Variants in WDPCP observed in about 807,000 individuals in gnomAD.
WDPCP encodes WD repeat-containing and planar cell polarity effector protein fritz homolog.
In WDPCP, 71 loss-of-function variants were observed where a neutral mutation model predicts 93.1. The ratio of observed to expected loss-of-function variants is 0.76; its 90% CI spans 0.63 to 0.93. The LOEUF is 0.93. WDPCP is among the 40% of genes least tolerant of loss of function. The probability of loss-of-function intolerance (pLI) is 0.00; values close to 1 mark genes in which losing one functional copy is unlikely to be tolerated. For missense variants in WDPCP, 844 were observed against 887.4 expected (o/e 0.95, Z 0.62); for synonymous variants, 315 against 315.0 (o/e 1.00, Z 0.00).
At chr2:63,216,939 T>C (rs2104454391) in intron 14 of WDPCP, among the ~76,000 whole-genome samples, 1 of 152,310 alleles carries the variant, frequency 6.6e-6, no homozygotes, top group Middle Eastern at 3.4e-3. Flanking sequence ...ATGGCATTAC[T>C]TCCAATAATT....
At chr2:63,835,703 G>GT in the WDPCP span, among the ~76,000 whole-genome samples, 4 of 151,920 alleles carry the variant, frequency 2.6e-5, no homozygotes, top group Admixed American at 1.3e-4. Flanking sequence ...TTTTCCTGTA[G>GT]TTTTTTCTCT....
intron 12 of WDPCP, among the ~76,000 whole-genome samples, chr2:63,376,002 T>C (rs1351917705): frequency 6.6e-6 from 1 of 151,938 alleles, no homozygotes; most frequent in African/African-American, 2.4e-5. Flanking sequence ...TATTAAAATA[T>C]TGACTAGCCA....
At chr2:63,605,705 G>C in intron 3 of WDPCP, 1 of 593,464 alleles carries the variant, frequency 1.7e-6, no homozygotes, top group African/African-American at 1.9e-5. Context: ...TTCCTCATCT[G>C]TAAAATGAGG....
intron 10 of WDPCP, among the ~76,000 whole-genome samples, chr2:63,382,707 TA>T (rs1391240049): frequency 6.6e-6 from 1 of 152,132 alleles, no homozygotes; most frequent in Non-Finnish European, 1.5e-5. Flanking sequence ...TTCAGGATTT[TA>T]AAAAATGTAT....
chr2:63,287,136 C>A (rs1684064706), intron 13 of WDPCP, among the ~76,000 whole-genome samples: 1 of 152,098 alleles, frequency 6.6e-6, no homozygotes, highest in South Asian at 2.1e-4. Flanking sequence ...GTAAGGACAC[C>A]AGTCATATTG....
intron 14 of WDPCP, among the ~76,000 whole-genome samples, chr2:63,231,237 A>C (rs995588700): frequency 6.6e-6 from 1 of 152,218 alleles, no homozygotes; most frequent in African/African-American, 2.4e-5. Flanking sequence ...CGAATGGGCA[A>C]ACACTGGAGG....
At position 63,398,086 on chromosome 2, in the gene WDPCP, T is replaced by C. The variant is rs565738633; in HGVS notation, c.1435+5962A>G. ...AGTCTTGGACAAGAGGAAGGGATTC[T>C]TTTTCACTGAACTGAGAGGGAAAGA... On this transcript the variant is annotated intron_variant, in intron 10 of 17. Coordinates refer to ENST00000272321, the MANE Select transcript of WDPCP (RefSeq NM_015910.7). 7.9e-5 allele frequency among the ~76,000 whole-genome samples: 12 copies of C among 152,240 alleles called. No homozygotes were observed. In the South Asian group the frequency reaches 2.3e-3, roughly 29 times the overall value.
At chr2:63,223,379 G>C (rs1442361761) in intron 14 of WDPCP, among the ~76,000 whole-genome samples, 1 of 152,100 alleles carries the variant, frequency 6.6e-6, no homozygotes, top group Non-Finnish European at 1.5e-5. Flanking sequence ...TCCCGAGATA[G>C]CATATTGTTT....
chr2:63,377,795 A>G (rs1252154875), intron 12 of WDPCP: 1 of 7,602 alleles, frequency 1.3e-4, no homozygotes, highest in African/African-American at 6.9e-3. Context: ...AACTTCATGT[A>G]TATATATATA....
chr2:63,717,190 G>A (rs955169717), intron 2 of WDPCP: 4 of 462,298 alleles, frequency 8.7e-6, no homozygotes, highest in Admixed American at 5.0e-5. Context: ...TATTCTTGCT[G>A]TCCAGCATGC....
chr2:63,238,405 A>G lies in WDPCP; in HGVS notation c.1915+20902T>C, dbSNP rs892870649. On this transcript the variant is annotated intron_variant, in intron 14 of 17. Transcript: ENST00000272321. The stretch of plus-strand genomic sequence containing the variant: ...CATTTTAAAATTTTATTTAATTTCA[A>G]TTAAATTAAAAAATTGATATTCTAT... Among the ~76,000 whole-genome samples, 3 of 152,302 alleles carry G rather than the reference A, an allele frequency of 2.0e-5. No individual in the cohort carries two copies. The East Asian group carries it at 5.8e-4, about 29-fold the overall frequency.
intron 11 of WDPCP, among the ~76,000 whole-genome samples, chr2:63,379,892 T>C (rs533563155): frequency 6.6e-6 from 1 of 152,294 alleles, no homozygotes; most frequent in African/African-American, 2.4e-5. Context: ...CTACTTAAAA[T>C]GTACATATTC....
chr2:63,572,078 G>T (rs746190970), intron 1 of WDPCP, among the ~76,000 whole-genome samples: 1 of 152,116 alleles, frequency 6.6e-6, no homozygotes, highest in Non-Finnish European at 1.5e-5. Flanking sequence ...AGATAATCAG[G>T]CTCCAGAGGA....
chr2:63,317,940 C>A (rs1013024349), intron 12 of WDPCP, among the ~76,000 whole-genome samples: 6 of 152,022 alleles, frequency 3.9e-5, no homozygotes, highest in African/African-American at 1.4e-4. Context: ...AACTAAAGAA[C>A]TTCTGCATAA....
rs59430672 is a variant in WDPCP at position 63,725,080 on chromosome 2, C to G, written n.309-74242G>C. Among the ~76,000 whole-genome samples the G allele has an allele frequency of 4.1e-3, 624 of 152,222 alleles. 2 individuals carry two copies. The highest frequency in any genetic ancestry group is 0.014 in the African/African-American group (584 of 41,546). The stretch of plus-strand genomic sequence containing the variant: ...TTTTATTTTAGGTTCAGAGGGGACA[C>G]GTGCAGGTTTGTTACCTGGGGAAAT... On this transcript the variant is annotated intron_variant and non_coding_transcript_variant, in intron 2 of 4. Transcript: ENST00000467687.
intron 2 of WDPCP, among the ~76,000 whole-genome samples, chr2:63,776,114 C>CATAA (rs1558907843): frequency 7.0e-6 from 1 of 143,690 alleles, no homozygotes; most frequent in African/African-American, 2.5e-5. Context: ...TACATACATA[C>CATAA]ATACACAAGT....
chr2:63,617,837 C>T (rs1417545008), intron 3 of WDPCP, among the ~76,000 whole-genome samples: 1 of 152,080 alleles, frequency 6.6e-6, no homozygotes, highest in African/African-American at 2.4e-5. Context: ...AATCAGCATG[C>T]CAAAGCAACA....
intron 13 of WDPCP, among the ~76,000 whole-genome samples, chr2:63,298,498 G>A (rs1297527476): frequency 2.0e-5 from 3 of 151,838 alleles, no homozygotes; most frequent in Non-Finnish European, 4.4e-5. Flanking sequence ...GCAGAAGAAG[G>A]TGGAAGAAGC....
At chr2:63,816,567 G>A (rs1215049815) in intron 1 of WDPCP, among the ~76,000 whole-genome samples, 1 of 152,188 alleles carries the variant, frequency 6.6e-6, no homozygotes, top group Non-Finnish European at 1.5e-5. Context: ...GGAGCCACCA[G>A]AAGCTGGAAG....
Sources: gnomAD v4.1 joint callset for allele counts (sites outside exome capture counted in the v4.1 genomes callset) on GRCh38, gnomAD v4.1.1 for gene constraint, MANE v1.5 for transcripts, NCBI Gene and HGNC (gene_info 2026-07-23, HGNC 2026-07-21) for gene names.